PTPRJ: variants seen among roughly 807,000 people sequenced by gnomAD.
PTPRJ encodes the protein receptor-type tyrosine-protein phosphatase eta.
In PTPRJ, 129 loss-of-function variants were observed where a neutral mutation model predicts 141.3. That is an observed-to-expected ratio of 0.91 (90% CI 0.79 to 1.06). The LOEUF is 1.06. Ranked by LOEUF, PTPRJ falls within the 50% of genes least tolerant of loss-of-function variation. PTPRJ has a pLI of 0.00. For missense variants in PTPRJ, 1,601 were observed against 1,679.7 expected (o/e 0.95, Z 0.82); for synonymous variants, 610 against 640.5 (o/e 0.95, Z 0.72).
At position 48,123,649 on chromosome 11, in the gene PTPRJ, C is replaced by T. The variant is rs377700940; in HGVS notation, c.653C>T (p.Thr218Met). 2.5e-5 allele frequency: 41 copies of T among 1,613,976 alleles called. No homozygotes were observed. The highest frequency in any genetic ancestry group is 3.3e-5 in the South Asian group (3 of 91,074). The change falls in exon 5 of 25, where the codon ACG becomes ATG. Residue 218 changes from threonine to methionine, a missense_variant. Transcript: ENST00000418331. ...IPVSDLRVAL[T>M]GVRKAALSWS... Reference sequence around the variant, plus strand: ...GTTTCTGATCTCCGTGTTGCCCTCACGGGTGTGAGGAAGGCTGCTCTCTCC... The same window carrying T: ...GTTTCTGATCTCCGTGTTGCCCTCATGGGTGTGAGGAAGGCTGCTCTCTCC...
At chr11:48,023,611 G>A (rs1049638498) in intron 1 of PTPRJ, among the ~76,000 whole-genome samples, 3 of 151,850 alleles carry the variant, frequency 2.0e-5, no homozygotes, top group African/African-American at 7.3e-5. Context: ...GTGAAACCCC[G>A]TCTCTACTAA....
intron 1 of PTPRJ, among the ~76,000 whole-genome samples, chr11:48,078,642 C>G (rs925749702): frequency 8.5e-5 from 13 of 152,172 alleles, no homozygotes; most frequent in African/African-American, 3.1e-4. Flanking sequence ...GGGTGTAGAC[C>G]AGGGATCACA....
chr11:48,061,072 G>A (rs984016581), intron 1 of PTPRJ, among the ~76,000 whole-genome samples: 5 of 152,042 alleles, frequency 3.3e-5, no homozygotes, highest in South Asian at 2.1e-4. Context: ...GCTATCAATC[G>A]TTCAAGCGAT....
At chr11:48,155,439 T>A (rs781721558) in intron 19 of PTPRJ, among the ~76,000 whole-genome samples, 1 of 152,186 alleles carries the variant, frequency 6.6e-6, no homozygotes, top group Non-Finnish European at 1.5e-5. Flanking sequence ...GTAAATAAAA[T>A]TGTTTAGCAT....
intron 1 of PTPRJ, among the ~76,000 whole-genome samples, chr11:48,092,565 G>C (rs1855899614): frequency 6.6e-6 from 1 of 151,932 alleles, no homozygotes; most frequent in Admixed American, 6.6e-5. Context: ...AAGGAGCTGG[G>C]ATTATAGGCA....
At chr11:47,999,942 C>T (rs1214586413) in intron 1 of PTPRJ, among the ~76,000 whole-genome samples, 2 of 149,360 alleles carry the variant, frequency 1.3e-5, no homozygotes, top group South Asian at 2.1e-4. Context: ...CTGCAACCTC[C>T]GCCTTCTGGG....
At chr11:48,045,520 C>T (rs1209494194) in intron 1 of PTPRJ, among the ~76,000 whole-genome samples, 3 of 152,208 alleles carry the variant, frequency 2.0e-5, no homozygotes, top group Non-Finnish European at 4.4e-5. Flanking sequence ...AAACCGTTTG[C>T]TCCCGACTTT....
intron 19 of PTPRJ, 24 bp downstream of exon 19, chr11:48,153,910 C>T: frequency 6.6e-7 from 1 of 1,512,710 alleles, no homozygotes. Context: ...TCTACAGCAT[C>T]TTCTCTGTGT....
At position 48,158,614 on chromosome 11, in the gene PTPRJ, C is replaced by T. The variant is rs1007777894; in HGVS notation, c.3439-1316C>T. Among the ~76,000 whole-genome samples the T allele has an allele frequency of 6.6e-6, 1 of 152,186 alleles. No individual in the cohort carries two copies. Among genetic ancestry groups the T allele is most frequent in the Non-Finnish European group, 1.5e-5 (1 of 68,032 alleles). On this transcript the variant is annotated intron_variant, in intron 21 of 24. Transcript: ENST00000418331. This position sits in a 1 kb window ranked among gnomAD's most constrained non-coding sequence, Gnocchi z 4.4. ...GGTCTTTAAAGAAATACAGATCCCG[C>T]AGCCAGAGTCAGAATCTCTGGAGGT...
At chr11:48,010,835 C>CTATTATTAT (rs377559025) in intron 1 of PTPRJ, among the ~76,000 whole-genome samples, 1 of 151,370 alleles carries the variant, frequency 6.6e-6, no homozygotes, top group Non-Finnish European at 1.5e-5. Context: ...CATGCCTGGC[C>CTATTATTAT]TATTATTATT....
intron 1 of PTPRJ, among the ~76,000 whole-genome samples, chr11:47,981,597 G>A (rs1271780743): frequency 1.3e-5 from 2 of 152,256 alleles, no homozygotes; most frequent in African/African-American, 4.8e-5. Flanking sequence ...TTTTCTCAAG[G>A]CAGCCGGCCC....
rs1019312288 is a variant in PTPRJ at position 48,001,035 on chromosome 11, G to A, written c.96+20027G>A. 5.3e-5 allele frequency among the ~76,000 whole-genome samples: 7 copies of A among 132,436 alleles called. No individual in the cohort carries two copies. In the East Asian group the frequency reaches 6.5e-4, roughly 12 times the overall value. The allele number at this position is 132,436 out of a possible 152,430, so 86.9% of individuals were successfully genotyped here. Reference sequence around the variant, plus strand: ...TTTTGAGACAGAGTCTCACTCTGTCGCCCAGGCTCGAGTACAGTGGTGATC... The same window carrying A: ...TTTTGAGACAGAGTCTCACTCTGTCACCCAGGCTCGAGTACAGTGGTGATC... On this transcript the variant is annotated intron_variant, in intron 1 of 24. Coordinates refer to ENST00000418331, the MANE Select transcript of PTPRJ (RefSeq NM_002843.4).
Position 48,026,503 on chromosome 11 carries a change from C to T in PTPRJ, c.96+45495C>T, listed in dbSNP as rs865776222. On this transcript the variant is annotated intron_variant, in intron 1 of 24. Transcript: ENST00000418331. ...TAGGACTTTTTTTTTTTTTTTGAGA[C>T]GGAGTTTCGCTCTTATTGCCCAGGC... 2.9e-3 allele frequency among the ~76,000 whole-genome samples: 434 copies of T among 148,968 alleles called. 4 individuals are homozygous for T. The highest frequency in any genetic ancestry group is 0.01 in the African/African-American group (412 of 40,242).
At chr11:48,137,510 T>G (rs1857133509) in intron 10 of PTPRJ, among the ~76,000 whole-genome samples, 1 of 152,212 alleles carries the variant, frequency 6.6e-6, no homozygotes, top group Admixed American at 6.5e-5. Flanking sequence ...AGTCCTTGCC[T>G]TCTTGGAACT....
chr11:48,039,276 T>A (rs181105604), intron 1 of PTPRJ, among the ~76,000 whole-genome samples: 30 of 152,034 alleles, frequency 2.0e-4, no homozygotes, highest in Admixed American at 1.7e-3. Flanking sequence ...AATCCTTATA[T>A]CTACCCATGA....
chr11:48,019,428 T>C (rs1855049785), intron 1 of PTPRJ, among the ~76,000 whole-genome samples: 1 of 142,532 alleles, frequency 7.0e-6, no homozygotes, highest in African/African-American at 2.6e-5. Flanking sequence ...TAGAGTGCAC[T>C]GAGAAACCTC....
chr11:48,102,178 T>C (rs1370489000), intron 1 of PTPRJ, among the ~76,000 whole-genome samples: 2 of 152,186 alleles, frequency 1.3e-5, no homozygotes, highest in Non-Finnish European at 2.9e-5. Context: ...GTCTTTCGCA[T>C]GCTCATGTTT....
chr11:48,039,668 G>GGTT lies in PTPRJ; in HGVS notation c.96+58661_96+58663dup, dbSNP rs545381057. Among the ~76,000 whole-genome samples, 18 of 152,052 alleles carry GGTT rather than the reference G, an allele frequency of 1.2e-4. No individual in the cohort carries two copies. The East Asian group carries it at 2.9e-3, about 24-fold the overall frequency. The stretch of plus-strand genomic sequence containing the variant: ...TTCTCTACTGGACATGGTCTCTGTG[G>GGTT]GTTTCACCCCTCACCCCTCTTATTT... On this transcript the variant is annotated intron_variant, in intron 1 of 24. Transcript: ENST00000418331.
intron 14 of PTPRJ, 71 bp from the exon 15 acceptor site, chr11:48,146,805 G>A: frequency 8.0e-7 from 1 of 1,251,368 alleles, no homozygotes; most frequent in Non-Finnish European, 1.2e-6. Flanking sequence ...AGGGTCCCAG[G>A]CCAGTTTTTA....
Sources: allele counts gnomAD v4.1 joint callset (sites outside exome capture counted in the v4.1 genomes callset), GRCh38; gene constraint gnomAD v4.1.1; non-coding constraint Gnocchi (gnomAD v3.1); transcripts MANE v1.5; gene names NCBI Gene and HGNC (gene_info 2026-07-23, HGNC 2026-07-21).